BNC2: variants seen among roughly 807,000 people sequenced by gnomAD.
BNC2 encodes the protein basonuclin zinc finger protein 2, also known as zinc finger protein basonuclin-2.
In BNC2, 20 loss-of-function variants were observed where a neutral mutation model predicts 76.3. That is an observed-to-expected ratio of 0.26 (90% CI 0.18 to 0.38). The LOEUF (loss-of-function observed/expected upper bound fraction) is 0.38. Ranked by LOEUF, BNC2 falls within the 10% of genes least tolerant of loss-of-function variation. BNC2 has a pLI of 1.00. For synonymous variants in BNC2, 582 were observed against 514.8 expected (o/e 1.13, Z -1.77); for missense variants, 1,382 against 1,399.8 (o/e 0.99, Z 0.20).
At chr9:16,470,210 G>T (rs1381143132) in intron 5 of BNC2, among the ~76,000 whole-genome samples, 1 of 151,814 alleles carries the variant, frequency 6.6e-6, no homozygotes, top group African/African-American at 2.4e-5. Context: ...TGTTAGCCAG[G>T]ATGGTCTCAA....
chr9:16,562,952 G>T (rs925112093), intron 4 of BNC2, among the ~76,000 whole-genome samples: 6 of 152,054 alleles, frequency 3.9e-5, no homozygotes, highest in African/African-American at 1.4e-4. Context: ...TTTTATTCTG[G>T]ACTGTTTTAG....
chr9:16,665,438 G>GA (rs766655149), intron 3 of BNC2, among the ~76,000 whole-genome samples: 1 of 56,016 alleles, frequency 1.8e-5, no homozygotes, highest in African/African-American at 7.9e-5. Context: ...GGAAAGAAAA[G>GA]AAAGAAAGAA....
At chr9:16,564,938 TCTGA>T (rs1307559206) in intron 4 of BNC2, among the ~76,000 whole-genome samples, 1 of 152,176 alleles carries the variant, frequency 6.6e-6, no homozygotes, top group Non-Finnish European at 1.5e-5. Flanking sequence ...CAAAATTATC[TCTGA>T]CTACTTTCCC....
chr9:16,575,184 TAGGTGAC>T, intron 4 of BNC2: 10 of 809,804 alleles, frequency 1.2e-5, no homozygotes, highest in Non-Finnish European at 1.5e-5. Context: ...CTACCTACAG[TAGGTGAC>T]AGAGCCGCGA....
chr9:16,439,173 G>C (rs1821078524), intron 5 of BNC2, among the ~76,000 whole-genome samples: 1 of 152,152 alleles, frequency 6.6e-6, no homozygotes, highest in African/African-American at 2.4e-5. Flanking sequence ...GGAATTATGA[G>C]TCCATTAAAA....
intron 5 of BNC2, among the ~76,000 whole-genome samples, chr9:16,443,050 G>A (rs754620885): frequency 7.5e-6 from 1 of 133,352 alleles, no homozygotes; most frequent in Non-Finnish European, 1.5e-5. Context: ...GAAGGTTGCA[G>A]AGTGAGACTC....
intron 5 of BNC2, among the ~76,000 whole-genome samples, chr9:16,457,757 G>A (rs1260691393): frequency 1.3e-5 from 2 of 152,192 alleles, no homozygotes; most frequent in African/African-American, 2.4e-5. Context: ...ATCAGGTGAG[G>A]AAATGGTGGG....
At chr9:16,759,631 C>CT (rs1258869658) in intron 1 of BNC2, among the ~76,000 whole-genome samples, 1 of 152,050 alleles carries the variant, frequency 6.6e-6, no homozygotes, top group Non-Finnish European at 1.5e-5. Flanking sequence ...TTATTGGTAT[C>CT]TATTTTAAAT....
At chr9:16,525,343 A>G (rs563048689) in intron 5 of BNC2, among the ~76,000 whole-genome samples, 11 of 152,220 alleles carry the variant, frequency 7.2e-5, no homozygotes, top group Non-Finnish European at 1.5e-4. Flanking sequence ...ATGAACAACT[A>G]TTCACAATAC....
At chr9:16,479,530 A>C (rs1042386966) in intron 5 of BNC2, among the ~76,000 whole-genome samples, 1 of 152,218 alleles carries the variant, frequency 6.6e-6, no homozygotes, top group African/African-American at 2.4e-5. Context: ...GAAAAGTCGA[A>C]TGAATTGTAC....
At chr9:16,637,195 C>A (rs1821354257) in intron 3 of BNC2, among the ~76,000 whole-genome samples, 1 of 151,990 alleles carries the variant, frequency 6.6e-6, no homozygotes, top group South Asian at 2.1e-4. Context: ...TACTCAATAA[C>A]AATCCCCATA....
chr9:16,665,181 A>G, intron 3 of BNC2: 2 of 410,100 alleles, frequency 4.9e-6, no homozygotes, highest in Non-Finnish European at 4.7e-6. Flanking sequence ...CCAGCCTGAA[A>G]AACAAGGTGA....
chr9:16,708,402 C>G (rs533323298), intron 3 of BNC2, among the ~76,000 whole-genome samples: 1 of 152,288 alleles, frequency 6.6e-6, no homozygotes, highest in Admixed American at 6.5e-5. Flanking sequence ...TTAATTTATT[C>G]TGCTCTGCAG....
At chr9:16,792,168 A>T (rs2135672152) in intron 1 of BNC2, among the ~76,000 whole-genome samples, 1 of 152,242 alleles carries the variant, frequency 6.6e-6, no homozygotes, top group East Asian at 1.9e-4. Context: ...TGCACCAGGA[A>T]CTATTTTAAG....
chr9:16,764,741 T>TTC (rs1011403370), intron 1 of BNC2, among the ~76,000 whole-genome samples: 91 of 151,648 alleles, frequency 6.0e-4, no homozygotes, highest in Non-Finnish European at 1.1e-3. Context: ...ATTTGTCTGT[T>TTC]TTTTTTTTAA....
At chr9:16,641,293 T>C (rs1158757156) in intron 3 of BNC2, among the ~76,000 whole-genome samples, 1 of 152,164 alleles carries the variant, frequency 6.6e-6, no homozygotes, top group Middle Eastern at 3.2e-3. Context: ...AAGATTAAAA[T>C]AAAATCATGG....
At chr9:16,434,725 A>C (rs895255619) in intron 6 of BNC2, 14 of 419,376 alleles carry the variant, frequency 3.3e-5, no homozygotes, top group South Asian at 2.2e-4. Flanking sequence ...CTTAAGCCCA[A>C]CTGTTTCAGA....
intron 5 of BNC2, among the ~76,000 whole-genome samples, chr9:16,544,687 C>G (rs1379545290): frequency 6.6e-6 from 1 of 151,412 alleles, no homozygotes; most frequent in Non-Finnish European, 1.5e-5. Context: ...GGTGTGCTGG[C>G]AGACACCTGT....
intron 4 of BNC2, among the ~76,000 whole-genome samples, chr9:16,553,573 A>G (rs1818730442): frequency 6.6e-6 from 1 of 152,238 alleles, no homozygotes; most frequent in Non-Finnish European, 1.5e-5. Flanking sequence ...ACAAACCAAC[A>G]TTTGAGAATT....
Sources: gnomAD v4.1 joint callset for allele counts (sites outside exome capture counted in the v4.1 genomes callset) on GRCh38, gnomAD v4.1.1 for gene constraint, MANE v1.5 for transcripts, NCBI Gene and HGNC (gene_info 2026-07-23, HGNC 2026-07-21) for gene names.